Variants in LARP4B observed in about 807,000 individuals in gnomAD.
The protein encoded by LARP4B is La ribonucleoprotein 4B, also known as la-related protein 4B.
In LARP4B, 12 loss-of-function variants were observed where a neutral mutation model predicts 89.8. The ratio of observed to expected loss-of-function variants is 0.13; its 90% CI spans 0.09 to 0.22. The LOEUF (loss-of-function observed/expected upper bound fraction) is 0.22. LARP4B is among the 10% of genes least tolerant of loss of function. LARP4B has a pLI of 1.00. For missense variants in LARP4B, 757 were observed against 947.7 expected (o/e 0.80, Z 2.64); for synonymous variants, 367 against 363.3 (o/e 1.01, Z -0.12).
At chr10:933,441 C>T (rs781046251), upstream of LARP4B, among the ~76,000 whole-genome samples, 3 of 152,138 alleles carry the variant, frequency 2.0e-5, no homozygotes, top group Non-Finnish European at 4.4e-5. Context: ...CGTTCAAATG[C>T]TGACAATTCT....
Position 809,717 on chromosome 10 carries a change from C to CCG in LARP4B, c.*3207_*3208dup, listed in dbSNP as rs1831674112. On this transcript the variant is annotated 3_prime_UTR_variant, in exon 18 of 18. Transcript: ENST00000316157. ...CCCTCGAGGAGCGACCACATGACCCCCGCGCTGTGAGCTGCTGGCGGCCAG... is the reference window on the plus strand; with the variant it reads ...CCCTCGAGGAGCGACCACATGACCCCCGCGCGCTGTGAGCTGCTGGCGGCCAG... 2.6e-5 allele frequency: 4 copies of CCG among 152,830 alleles called. No individual in the cohort carries two copies. The South Asian group carries it at 8.3e-4, about 32-fold the overall frequency. 9.5% of individuals were successfully genotyped at this position (152,830 alleles called of 1,614,324 possible). A position where few individuals can be genotyped will look rare whatever the true frequency, so the allele number is the denominator to read the frequency against.
At chr10:962,227 C>T in the LARP4B span, among the ~76,000 whole-genome samples, 1 of 143,456 alleles carries the variant, frequency 7.0e-6, no homozygotes. Flanking sequence ...ACCCAGGAGG[C>T]AGAGGTTGCA....
intron 6 of LARP4B, among the ~76,000 whole-genome samples, chr10:843,873 G>C (rs955579906): frequency 1.3e-5 from 2 of 152,166 alleles, no homozygotes; most frequent in African/African-American, 4.8e-5. Context: ...GAATTAAAAA[G>C]AAGGAAACAG....
intron 15 of LARP4B, among the ~76,000 whole-genome samples, chr10:816,950 G>A (rs1007754080): frequency 5.3e-5 from 8 of 152,176 alleles, no homozygotes; most frequent in African/African-American, 1.4e-4. Context: ...CAAGCAGCAC[G>A]GTCATGTGGC....
intron 1 of LARP4B, among the ~76,000 whole-genome samples, chr10:896,988 ATTTTTT>A (rs58205872): frequency 5.1e-5 from 7 of 137,446 alleles, no homozygotes; most frequent in East Asian, 2.1e-4. Flanking sequence ...TTGTGGGAGA[ATTTTTT>A]TTTTTTTTTT....
At chr10:905,981 G>A (rs1836481402) in intron 1 of LARP4B, among the ~76,000 whole-genome samples, 1 of 152,210 alleles carries the variant, frequency 6.6e-6, no homozygotes, top group South Asian at 2.1e-4. Flanking sequence ...TAGGGCAAAA[G>A]CTCTCTTGCC....
chr10:988,178 G>C, the LARP4B span: 1 of 361,978 alleles, frequency 2.8e-6, no homozygotes, highest in Non-Finnish European at 5.1e-6. Context: ...GAAACCCGCA[G>C]GGCAGTCTGT....
intron 1 of LARP4B, among the ~76,000 whole-genome samples, chr10:886,613 G>A (rs1472177282): frequency 2.0e-5 from 3 of 152,104 alleles, no homozygotes; most frequent in African/African-American, 4.8e-5. Flanking sequence ...TCTATGCTAT[G>A]GAATTATGTA....
intron 7 of LARP4B, among the ~76,000 whole-genome samples, chr10:837,013 A>G (rs879864137): frequency 3.3e-5 from 5 of 152,238 alleles, no homozygotes; most frequent in Admixed American, 6.5e-5. Flanking sequence ...CACAGCAAGT[A>G]ATGATCACAA....
intron 11 of LARP4B, among the ~76,000 whole-genome samples, chr10:828,137 C>T (rs1832722034): frequency 6.6e-6 from 1 of 152,230 alleles, no homozygotes; most frequent in Non-Finnish European, 1.5e-5. Flanking sequence ...CCACATGCCT[C>T]AGGACAGCTA....
At chr10:830,807 C>T (rs1832864561) in intron 9 of LARP4B, 60 bp downstream of exon 9, 1 of 753,100 alleles carries the variant, frequency 1.3e-6, no homozygotes. Context: ...TCCCAACATG[C>T]ACTAATAGTA....
chr10:885,333 G>C (rs74118460), intron 2 of LARP4B, among the ~76,000 whole-genome samples: 1 of 150,782 alleles, frequency 6.6e-6, no homozygotes, highest in East Asian at 1.9e-4. Context: ...ATTAGACTTC[G>C]CAAAAAAAAA....
At chr10:909,299 A>AAT (rs965493288) in intron 1 of LARP4B, among the ~76,000 whole-genome samples, 3 of 151,170 alleles carry the variant, frequency 2.0e-5, no homozygotes, top group African/African-American at 7.3e-5. Context: ...GTCTCAAAAA[A>AAT]AAAAAAAAAA....
chr10:814,862 C>A lies in LARP4B; in HGVS notation c.1821-12G>T, dbSNP rs775163797. Reference sequence around the variant, plus strand: ...CCACCTTGGGATCACTGTAAAAATGCCACCCGATATTTGAATCTCATGCAA... The same window carrying A: ...CCACCTTGGGATCACTGTAAAAATGACACCCGATATTTGAATCTCATGCAA... On this transcript the variant is annotated splice_polypyrimidine_tract_variant and intron_variant, in intron 16 of 17. Coordinates refer to ENST00000316157, the MANE Select transcript of LARP4B (RefSeq NM_015155.3). The surrounding 1 kb of genome is among the most constrained non-coding windows in gnomAD (Gnocchi z 4.4). 9 of 1,584,498 alleles carry A rather than the reference C, an allele frequency of 5.7e-6. No homozygotes were observed. The East Asian group carries it at 1.8e-4, about 32-fold the overall frequency.
In LARP4B at chr10:825,711, C is replaced by T. The variant is rs532074478; in HGVS notation, c.1232+53G>A. ...GATCAAAGCTCTCTCATCCCAACTCCGGAAGGGCAGTAGCGTAAAGACCAA... is the reference window on the plus strand; with the variant it reads ...GATCAAAGCTCTCTCATCCCAACTCTGGAAGGGCAGTAGCGTAAAGACCAA... On this transcript the variant is annotated intron_variant, in intron 12 of 17. Coordinates refer to ENST00000316157, the MANE Select transcript of LARP4B (RefSeq NM_015155.3). 704 of 1,215,004 alleles carry T rather than the reference C, an allele frequency of 5.8e-4. 2 individuals are homozygous for T. The highest frequency in any genetic ancestry group is 1.1e-3 in the Middle Eastern group (6 of 5,296). 75.3% of individuals were successfully genotyped at this position (1,215,004 alleles called of 1,614,324 possible). A position where few individuals can be genotyped will look rare whatever the true frequency, so the allele number is the denominator to read the frequency against.
chr10:893,566 G>A (rs1488966079), intron 1 of LARP4B, among the ~76,000 whole-genome samples: 1 of 152,178 alleles, frequency 6.6e-6, no homozygotes, highest in Non-Finnish European at 1.5e-5. Flanking sequence ...ACCTCATGCT[G>A]TACTTAGCTG....
At chr10:824,162 G>A (rs1322498892) in intron 13 of LARP4B, among the ~76,000 whole-genome samples, 4 of 152,164 alleles carry the variant, frequency 2.6e-5, no homozygotes, top group Non-Finnish European at 5.9e-5. Flanking sequence ...AATCCTGACG[G>A]TCCTTACCAA....
intron 5 of LARP4B, among the ~76,000 whole-genome samples, chr10:856,863 T>G (rs1442817794): frequency 1.3e-5 from 2 of 152,178 alleles, no homozygotes; most frequent in African/African-American, 2.4e-5. Flanking sequence ...TGGGGTTTAA[T>G]CAGAGCAGAA....
At chr10:850,029 A>T (rs1833963172) in intron 5 of LARP4B, among the ~76,000 whole-genome samples, 1 of 152,224 alleles carries the variant, frequency 6.6e-6, no homozygotes, top group Admixed American at 6.5e-5. Flanking sequence ...ACGTTAGGTT[A>T]CGATGTATCA....
Sources: allele counts gnomAD v4.1 joint callset (sites outside exome capture counted in the v4.1 genomes callset), GRCh38; gene constraint gnomAD v4.1.1; non-coding constraint Gnocchi (gnomAD v3.1); transcripts MANE v1.5; gene names NCBI Gene and HGNC (gene_info 2026-07-23, HGNC 2026-07-21).